The following TOP6BL variants were observed in gnomAD, a reference collection of about 807,000 sequenced individuals.
The protein encoded by TOP6BL is TOP6B like initiator of meiotic double strand breaks, also known as type 2 DNA topoisomerase 6 subunit B-like.
At chr11:66,838,428 G>A in the TOP6BL span, 2 of 1,613,894 alleles carry the variant, frequency 1.2e-6, no homozygotes, top group Non-Finnish European at 1.7e-6. Context: ...GATAACAGCA[G>A]CCTGGAGCTC....
At chr11:66,790,065 G>T in the TOP6BL span, among the ~76,000 whole-genome samples, 1 of 152,112 alleles carries the variant, frequency 6.6e-6, no homozygotes, top group Non-Finnish European at 1.5e-5. Flanking sequence ...GAGGTCCGGA[G>T]ATTGAGACCA....
chr11:66,816,335 A>G, the TOP6BL span: 646 of 982,990 alleles, frequency 6.6e-4, 1 homozygote, highest in Non-Finnish European at 8.2e-4. Context: ...CTTGCTTAAT[A>G]AAATGAACAT....
the TOP6BL span, among the ~76,000 whole-genome samples, chr11:66,800,206 A>G: frequency 1.3e-5 from 2 of 152,226 alleles, no homozygotes; most frequent in Non-Finnish European, 2.9e-5. Context: ...AGAGAATAGA[A>G]TGGTGGTTAC....
the TOP6BL span, among the ~76,000 whole-genome samples, chr11:66,836,749 G>A: frequency 7.3e-6 from 1 of 137,602 alleles, no homozygotes; most frequent in African/African-American, 2.7e-5. Flanking sequence ...CACCCAGGCT[G>A]GAGTGAAGTG....
At chr11:66,767,191 A>C in the TOP6BL span, among the ~76,000 whole-genome samples, 1 of 152,198 alleles carries the variant, frequency 6.6e-6, no homozygotes, top group Admixed American at 6.5e-5. Context: ...AAGATAGATA[A>C]GTTCTTATGT....
chr11:66,765,387 C>T, the TOP6BL span, among the ~76,000 whole-genome samples: 2 of 152,224 alleles, frequency 1.3e-5, no homozygotes, highest in African/African-American at 4.8e-5. Context: ...ACATCAAGTA[C>T]ATAATTAAAA....
At chr11:66,830,636 A>G in the TOP6BL span, among the ~76,000 whole-genome samples, 2 of 152,226 alleles carry the variant, frequency 1.3e-5, no homozygotes, top group Non-Finnish European at 2.9e-5. Flanking sequence ...AAATTGATAA[A>G]CATTTAGCCA....
chr11:66,825,901 G>C, the TOP6BL span, among the ~76,000 whole-genome samples: 1 of 151,748 alleles, frequency 6.6e-6, no homozygotes, highest in African/African-American at 2.4e-5. Context: ...GAGTGCAGTG[G>C]CGCGATCTCA....
At chr11:66,775,969 TTATC>T in the TOP6BL span, among the ~76,000 whole-genome samples, 1 of 152,170 alleles carries the variant, frequency 6.6e-6, no homozygotes, top group Admixed American at 6.6e-5. Flanking sequence ...TTTGGATAAT[TTATC>T]TGTGGATTCT....
chr11:66,747,360 A>G, the TOP6BL span, among the ~76,000 whole-genome samples: 6 of 151,888 alleles, frequency 4.0e-5, no homozygotes, highest in Admixed American at 6.6e-5. Context: ...TTTGCCAAGT[A>G]CTGTGTTAAG....
chr11:66,782,209 T>G, the TOP6BL span, among the ~76,000 whole-genome samples: 1 of 152,196 alleles, frequency 6.6e-6, no homozygotes, highest in Admixed American at 6.5e-5. Flanking sequence ...TACTAAAGCA[T>G]TATCTGTGGG....
At chr11:66,749,434 A>G in the TOP6BL span, among the ~76,000 whole-genome samples, 3 of 152,104 alleles carry the variant, frequency 2.0e-5, no homozygotes, top group African/African-American at 7.2e-5. Context: ...AAAGCAAAGG[A>G]CTTTAGCCAC....
chr11:66,841,073 C>T, the TOP6BL span, among the ~76,000 whole-genome samples: 1 of 149,870 alleles, frequency 6.7e-6, no homozygotes, highest in Non-Finnish European at 1.5e-5. Context: ...TCCAATTTAT[C>T]ACATCTGAAA....
chr11:66,822,616 G>A, the TOP6BL span: 1 of 1,553,208 alleles, frequency 6.4e-7, no homozygotes, highest in South Asian at 1.2e-5. Flanking sequence ...TCCATCATGA[G>A]TATTCTGACT....
At chr11:66,762,380 C>T in the TOP6BL span, 9 of 364,506 alleles carry the variant, frequency 2.5e-5, 1 homozygote, top group South Asian at 2.2e-4. Context: ...ATGGGGCACT[C>T]AGCGCAGCAG....
At chr11:66,842,220 G>C in the TOP6BL span, among the ~76,000 whole-genome samples, 1 of 152,156 alleles carries the variant, frequency 6.6e-6, no homozygotes, top group South Asian at 2.1e-4. Context: ...CAAAAGGTCA[G>C]CTCAGGTATC....
the TOP6BL span, among the ~76,000 whole-genome samples, chr11:66,817,834 A>G: frequency 8.5e-5 from 13 of 152,158 alleles, no homozygotes; most frequent in Non-Finnish European, 1.5e-4. Flanking sequence ...GGCATGAGCA[A>G]TCGCACTGGC....
At chr11:66,778,431 A>C in the TOP6BL span, among the ~76,000 whole-genome samples, 2 of 152,066 alleles carry the variant, frequency 1.3e-5, no homozygotes, top group Admixed American at 1.3e-4. Context: ...ACAGCACTGC[A>C]CTCTAGCCCG....
the TOP6BL span, chr11:66,788,348 C>A: frequency 2.7e-6 from 3 of 1,103,694 alleles, no homozygotes; most frequent in Non-Finnish European, 4.0e-6. Context: ...GAAAGAAAAG[C>A]CTAGGTCCAT....
Sources: allele counts gnomAD v4.1 joint callset (sites outside exome capture counted in the v4.1 genomes callset), GRCh38; gene constraint gnomAD v4.1.1; transcripts MANE v1.5; gene names NCBI Gene and HGNC (gene_info 2026-07-23, HGNC 2026-07-21).